Variants in SMG1 observed in about 807,000 individuals in gnomAD.
SMG1 encodes serine/threonine-protein kinase SMG1.
A neutral mutation model predicts 419.9 loss-of-function variants in SMG1; 22 were observed. The observed-to-expected ratio is 0.05, with a 90% CI of 0.04 to 0.07. The LOEUF (loss-of-function observed/expected upper bound fraction) is 0.07, where lower values mean the gene tolerates loss of function less well. Among genes scored for constraint, SMG1 ranks in the 10% least tolerant of loss-of-function variants. SMG1 has a pLI of 1.00. For synonymous variants in SMG1, 1,538 were observed against 1,553.5 expected (o/e 0.99, Z 0.23); for missense variants, 3,185 against 4,342.0 (o/e 0.73, Z 7.49).
chr16:18,904,945 TA>T (rs2037500198), intron 1 of SMG1, among the ~76,000 whole-genome samples: 1 of 147,928 alleles, frequency 6.8e-6, no homozygotes, highest in South Asian at 2.1e-4. Context: ...AAAACAATAA[TA>T]ATAATAAAAT....
Position 18,879,815 on chromosome 16 carries a change from T to G in SMG1, c.1294-96A>C, listed in dbSNP as rs1425463644. ...TATTTAATGCAATTTCAACTGAAAA[T>G]TAACTGCTTGCCTTGCCAGCAGTCT... On this transcript the variant is annotated intron_variant, in intron 10 of 62. Coordinates refer to ENST00000446231, the MANE Select transcript of SMG1 (RefSeq NM_015092.5). 1.6e-5 allele frequency: 11 copies of G among 679,218 alleles called. No individual in the cohort carries two copies. The Middle Eastern group carries it at 1.2e-3, about 72-fold the overall frequency. The allele number at this position is 679,218 out of a possible 1,614,324, so 42.1% of individuals were successfully genotyped here. A position where few individuals can be genotyped will look rare whatever the true frequency, so the allele number is the denominator to read the frequency against.
At chr16:18,867,578 T>C (rs2035585274) in intron 22 of SMG1, among the ~76,000 whole-genome samples, 1 of 150,698 alleles carries the variant, frequency 6.6e-6, no homozygotes, top group African/African-American at 2.4e-5. Flanking sequence ...ATTTATCCCA[T>C]AAACAAATTT....
intron 1 of SMG1, among the ~76,000 whole-genome samples, chr16:18,901,654 T>C (rs1010803529): frequency 6.6e-6 from 1 of 152,136 alleles, no homozygotes; most frequent in Non-Finnish European, 1.5e-5. Flanking sequence ...GAAGGTAATC[T>C]CTAAACTCTT....
rs754644845 is a variant in SMG1 at position 18,847,575 on chromosome 16, G to A, written c.5874C>T (p.Val1958=). Residue 1958 remains valine (V), a synonymous_variant, in exon 38 of 63, where the codon GTC becomes GTT. Coordinates refer to ENST00000446231, the MANE Select transcript of SMG1 (RefSeq NM_015092.5). ...GCCAGAGCTCATCCCAGAGCACAGT[G>A]ACCCTGCGCAGTTCAGCCACGAGCA... ...VQMLVAELRR[V]TVLWDELWLG... is the part of the protein sequence containing the mutation. 6.2e-7 allele frequency: 1 copy of A among 1,613,990 alleles called. No homozygotes were observed. The highest frequency in any genetic ancestry group is 8.5e-7 in the Non-Finnish European group (1 of 1,179,894).
At chr16:18,925,819 C>A in intron 1 of SMG1, 131 bp downstream of exon 1, 2 of 636,834 alleles carry the variant, frequency 3.1e-6, no homozygotes, top group Non-Finnish European at 4.9e-6. Flanking sequence ...GCGGAGGAGA[C>A]CCAGGAAGCC....
At chr16:18,906,238 CT>C (rs2037556776) in intron 1 of SMG1, among the ~76,000 whole-genome samples, 1 of 152,110 alleles carries the variant, frequency 6.6e-6, no homozygotes, top group Non-Finnish European at 1.5e-5. Context: ...AATCCCTGCA[CT>C]TTAGGAGGCC....
chr16:18,903,223 T>G (rs915653952), intron 1 of SMG1, among the ~76,000 whole-genome samples: 1 of 152,194 alleles, frequency 6.6e-6, no homozygotes, highest in African/African-American at 2.4e-5. Flanking sequence ...TATTCTCTAT[T>G]TTCAGACCTC....
chr16:18,853,291 T>C lies in SMG1; in HGVS notation c.4768+292A>G, dbSNP rs534079440. On this transcript the variant is annotated intron_variant, in intron 31 of 62. Coordinates refer to ENST00000446231, the MANE Select transcript of SMG1 (RefSeq NM_015092.5). ...AACACAGGTAACTATTTTAAATCTT[T>C]GTTGCTCCTTCTATTGTGAGGTGAA... 2.0e-5 allele frequency among the ~76,000 whole-genome samples: 3 copies of C among 152,320 alleles called. No homozygotes were observed. In the South Asian group the frequency reaches 6.2e-4, roughly 32 times the overall value.
At chr16:18,896,525 A>C (rs187152611) in intron 2 of SMG1, among the ~76,000 whole-genome samples, 5 of 152,368 alleles carry the variant, frequency 3.3e-5, no homozygotes, top group African/African-American at 1.2e-4. Context: ...AACCTTAGCT[A>C]AATATTTTTG....
intron 3 of SMG1, among the ~76,000 whole-genome samples, chr16:18,894,910 C>T (rs1263611722): frequency 1.3e-5 from 2 of 152,058 alleles, no homozygotes; most frequent in African/African-American, 2.4e-5. Flanking sequence ...CTCCACCTCC[C>T]GGGTTCACGC....
chr16:18,829,403 T>C lies in SMG1; in HGVS notation c.9486A>G (p.Leu3162=). 2 of 1,614,054 alleles carry C rather than the reference T, an allele frequency of 1.2e-6. No individual in the cohort carries two copies. Among genetic ancestry groups the C allele is most frequent in the Non-Finnish European group, 1.7e-6 (2 of 1,179,892 alleles). ...TCCAGGCAGTGTCGTAAGAACTTGC[T>C]AACACAGTTGCCCTGTTCATAACCA... ...SQLVMNRATV[L]ASSYDTAWKK... The change falls in exon 54 of 63, where the codon TTA becomes TTG. Residue 3162 remains leucine (L), a synonymous_variant. Transcript: ENST00000446231.
chr16:18,859,150 G>A lies in SMG1; in HGVS notation c.3985C>T (p.Arg1329Cys), dbSNP rs765713060. ...NVVKYLKQTS[R>C]IAIGPLRLST... Reference sequence around the variant, plus strand: ...AGTCTCAGAGGTCCAATAGCGATGCGGGATGTTTGCTTCAAGTACTTTACC... The same window carrying A: ...AGTCTCAGAGGTCCAATAGCGATGCAGGATGTTTGCTTCAAGTACTTTACC... Residue 1329 changes from arginine to cysteine, a missense_variant, in exon 28 of 63, where the codon CGC (arginine) becomes TGC (cysteine). Arg to Cys is a radical substitution (Grantham distance 180). Around this residue, in one of 27 missense-constraint regions of SMG1, gnomAD observed 120 missense variants for 193.3 expected, o/e 0.62. Transcript: ENST00000446231. 6 of 1,535,398 alleles carry A rather than the reference G, an allele frequency of 3.9e-6. No homozygotes were observed. Among genetic ancestry groups the A allele is most frequent in the South Asian group, 1.2e-5 (1 of 84,044 alleles).
In SMG1 at chr16:18,820,489, C is replaced by T. The variant is rs904226922; in HGVS notation, c.9742-835G>A. On this transcript the variant is annotated intron_variant, in intron 55 of 62. Transcript: ENST00000446231. ...AAAGTGCTGGGATTATAGGCATGAA[C>T]CACCATGCCTGGCCAAGTTTATGAA... Among the ~76,000 whole-genome samples, 3 of 152,214 alleles carry T rather than the reference C, an allele frequency of 2.0e-5. No homozygotes were observed. The South Asian group carries it at 6.2e-4, about 32-fold the overall frequency.
At chr16:18,901,016 G>A (rs1162399486) in intron 1 of SMG1, among the ~76,000 whole-genome samples, 9 of 152,088 alleles carry the variant, frequency 5.9e-5, no homozygotes, top group Admixed American at 2.0e-4. Context: ...AATTTGAGAG[G>A]CTCAGGGAAT....
chr16:18,805,303 A>G lies in SMG1; in HGVS notation c.*4266T>C, dbSNP rs1322620013. On this transcript the variant is annotated 3_prime_UTR_variant, in exon 63 of 63. Coordinates refer to ENST00000446231, the MANE Select transcript of SMG1 (RefSeq NM_015092.5). ...AAACTATTAGCCTGTTTTCAAAGAA[A>G]AACATTCTAAAAGTGTGCATTTCAG... 6.6e-5 allele frequency: 10 copies of G among 152,244 alleles called. No homozygotes were observed. Among genetic ancestry groups the G allele is most frequent in the Admixed American group, 5.2e-4 (8 of 15,282 alleles). 9.4% of individuals were successfully genotyped at this position (152,244 alleles called of 1,614,324 possible).
chr16:18,877,393 A>G, intron 11 of SMG1, 161 bp from the exon 12 acceptor site: 2 of 500,768 alleles, frequency 4.0e-6, no homozygotes, highest in Non-Finnish European at 7.2e-6. Flanking sequence ...CGACGGAGAC[A>G]GTAAAAAGAT....
At position 18,854,811 on chromosome 16, in the gene SMG1, C is replaced by T; in HGVS notation, c.4328G>A (p.Arg1443Lys). Residue 1443 changes from arginine to lysine, a missense_variant, in exon 30 of 63, where the codon AGA becomes AAA. Physicochemically the swap from Arg to Lys is conservative, Grantham distance 26. Coordinates refer to ENST00000446231, the MANE Select transcript of SMG1 (RefSeq NM_015092.5). ...AACTTCACTGCACTGTGCCAGCAGT[C>T]TTGTTGCAAGGGACACATTCCCTCG... Reference protein sequence around the residue: ...RKRGNVSLATRLLAQCSEVQL... With the variant: ...RKRGNVSLATKLLAQCSEVQL... The T allele has an allele frequency of 1.2e-6, 2 of 1,614,036 alleles. No individual in the cohort carries two copies. The highest frequency in any genetic ancestry group is 1.7e-6 in the Non-Finnish European group (2 of 1,179,888).
intron 25 of SMG1, among the ~76,000 whole-genome samples, chr16:18,863,020 C>A (rs2035295691): frequency 6.6e-6 from 1 of 152,220 alleles, no homozygotes; most frequent in South Asian, 2.1e-4. Flanking sequence ...TATCAATATT[C>A]TTTATCTAAT....
At chr16:18,817,118 CGG>C (rs11332992) in intron 57 of SMG1, among the ~76,000 whole-genome samples, 171 bp downstream of exon 57, 20,813 of 87,104 alleles carry the variant, frequency 0.24, 3,023 homozygotes, top group South Asian at 0.35. Flanking sequence ...TGTTTCGGGG[CGG>C]GGGGGGGGGC....
Sources: allele counts gnomAD v4.1 joint callset (sites outside exome capture counted in the v4.1 genomes callset), GRCh38; gene constraint gnomAD v4.1.1; regional missense constraint gnomAD v4.1.1; transcripts MANE v1.5; gene names NCBI Gene and HGNC (gene_info 2026-07-23, HGNC 2026-07-21).